The following SVEP1 variants were observed in gnomAD, a reference collection of about 807,000 sequenced individuals.
SVEP1 encodes sushi, von Willebrand factor type A, EGF and pentraxin domain-containing protein 1.
Under a neutral mutation model 367.3 loss-of-function variants are expected in SVEP1, and 164 were observed. That is an observed-to-expected ratio of 0.45 (90% CI 0.39 to 0.51). The LOEUF is 0.51. Among genes scored for constraint, SVEP1 ranks in the 20% least tolerant of loss-of-function variants. The pLI, the probability that SVEP1 is intolerant of heterozygous loss-of-function variation, is 0.00. For synonymous variants in SVEP1, 1,666 were observed against 1,611.6 expected, an observed-to-expected ratio of 1.03 and a Z score of -0.81; for missense variants, 4,117 against 4,425.3, an observed-to-expected ratio of 0.93 and a Z score of 1.98.
In SVEP1 at chr9:110,375,354, T is replaced by C. The variant is rs1409510418; in HGVS notation, c.10600+14A>G. ...CCTGAGCCACCAAGAAAACAAACCA[T>C]GAAAGAGGCCTACCTGTATGACAGC... On this transcript the variant is annotated intron_variant, in intron 46 of 47. Coordinates refer to ENST00000374469, the MANE Select transcript of SVEP1 (RefSeq NM_153366.4). 5 of 1,539,534 alleles carry C rather than the reference T, an allele frequency of 3.2e-6. No homozygotes were observed. Among genetic ancestry groups the C allele is most frequent in the Non-Finnish European group, 4.4e-6 (5 of 1,143,502 alleles).
chr9:110,385,688 G>A (rs1356477195), intron 43 of SVEP1, among the ~76,000 whole-genome samples: 1 of 141,894 alleles, frequency 7.0e-6, no homozygotes, highest in Non-Finnish European at 1.5e-5. Flanking sequence ...TGTTCAGGTG[G>A]GTTTTAGTTT....
At chr9:110,449,421 T>C (rs544513796) in intron 24 of SVEP1, among the ~76,000 whole-genome samples, 14 of 152,372 alleles carry the variant, frequency 9.2e-5, no homozygotes, top group African/African-American at 3.4e-4. Flanking sequence ...TCCATTTTGA[T>C]TTTATCTGGT....
intron 40 of SVEP1, among the ~76,000 whole-genome samples, chr9:110,393,799 G>C (rs538037717): frequency 2.0e-5 from 3 of 152,194 alleles, no homozygotes; most frequent in Non-Finnish European, 4.4e-5. Flanking sequence ...AGGCAGCAGC[G>C]AGGCTGGGGG....
intron 40 of SVEP1, among the ~76,000 whole-genome samples, chr9:110,395,065 T>C (rs1827734511): frequency 6.6e-6 from 1 of 152,016 alleles, no homozygotes; most frequent in Non-Finnish European, 1.5e-5. Context: ...TTCACCAAAG[T>C]TGAAATGAAG....
intron 9 of SVEP1, among the ~76,000 whole-genome samples, chr9:110,487,641 A>AT (rs1829300877): frequency 6.6e-6 from 1 of 152,216 alleles, no homozygotes; most frequent in Non-Finnish European, 1.5e-5. Context: ...AACATAGTGA[A>AT]TTTTAAAATA....
At chr9:110,388,151 A>AGACAATAG (rs1228428458) in intron 41 of SVEP1, among the ~76,000 whole-genome samples, 3 of 152,016 alleles carry the variant, frequency 2.0e-5, no homozygotes, top group Non-Finnish European at 2.9e-5. Context: ...AAAGACAATA[A>AGACAATAG]GAAAGTATAA....
intron 3 of SVEP1, among the ~76,000 whole-genome samples, chr9:110,542,226 G>A (rs2118836768): frequency 6.6e-6 from 1 of 152,176 alleles, no homozygotes; most frequent in Middle Eastern, 3.4e-3. Flanking sequence ...AAATAATATA[G>A]GACTTAGAGA....
Position 110,436,366 on chromosome 9 carries a change from A to C in SVEP1, c.4764+14T>G. On this transcript the variant is annotated intron_variant, in intron 28 of 47. Transcript: ENST00000374469. The stretch of plus-strand genomic sequence containing the variant: ...TGCATCTCATTACTGTCATACACTG[A>C]AAATGGAATTGACCTGCTGTGGAGA... 1 of 1,613,880 alleles carries C rather than the reference A, an allele frequency of 6.2e-7. No individual in the cohort carries two copies. Among genetic ancestry groups the C allele is most frequent in the Non-Finnish European group, 8.5e-7 (1 of 1,179,796 alleles).
chr9:110,447,361 A>T (rs545093405), intron 24 of SVEP1, among the ~76,000 whole-genome samples: 2 of 152,340 alleles, frequency 1.3e-5, no homozygotes, highest in Admixed American at 1.3e-4. Flanking sequence ...AAAAGTTCAA[A>T]TGCTGTTCTA....
Position 110,407,096 on chromosome 9 carries a change from G to A in SVEP1, c.8504C>T (p.Ser2835Leu), listed in dbSNP as rs267602084. 5.6e-6 allele frequency: 9 copies of A among 1,613,990 alleles called. No individual in the cohort carries two copies. Among genetic ancestry groups the A allele is most frequent in the Non-Finnish European group, 7.6e-6 (9 of 1,179,890 alleles). ...CTGGCCATTGGCTGAGACTGGGGGTGAACTGCAGTCCACAGGAATGCAAAT... is the reference window on the plus strand; with the variant it reads ...CTGGCCATTGGCTGAGACTGGGGGTAAACTGCAGTCCACAGGAATGCAAAT... ...EPICIPVDCS[S>L]PPVSANGQVR... The change falls in exon 38 of 48, where the codon TCA becomes TTA. Residue 2835 changes from serine (S) to leucine (L), a missense_variant. Ser to Leu is a moderately radical substitution (Grantham distance 145, BLOSUM62 -2). Transcript: ENST00000374469.
rs779804572 is a variant in SVEP1, at chr9:110,483,709, TCAGA to T, written c.1931-20_1931-17del. ...GGTTCTGCATCTGAAGAACATGAAA[TCAGA>T]CAAAGAAGTCACAGCTGATATTCAC... On this transcript the variant is annotated splice_polypyrimidine_tract_variant and intron_variant, in intron 9 of 47. Transcript: ENST00000374469. The T allele has an allele frequency of 1.7e-5, 26 of 1,559,438 alleles. No homozygotes were observed. Among genetic ancestry groups the T allele is most frequent in the Non-Finnish European group, 2.3e-5 (26 of 1,152,444 alleles).
At chr9:110,400,300 T>G (rs1191793747) in intron 40 of SVEP1, among the ~76,000 whole-genome samples, 1 of 152,170 alleles carries the variant, frequency 6.6e-6, no homozygotes, top group Non-Finnish European at 1.5e-5. Context: ...GCATCTGTCT[T>G]GTGGTTTGCG....
chr9:110,369,926 G>A lies in SVEP1; in HGVS notation c.10691C>T (p.Ser3564Phe), dbSNP rs1437631670. Residue 3564 changes from serine (S) to phenylalanine (F), a missense_variant, in exon 47 of 48, where the codon TCC becomes TTC. By Grantham distance (155) the Ser-to-Phe change is radical. Around this residue, in one of 4 missense-constraint regions of SVEP1, gnomAD observed 1,765 missense variants for 1,781.1 expected, o/e 0.99. Transcript: ENST00000374469. ...CLSSWTGHNC[S>F]RKRRTGF ...CATTAGTTTTTGGTTATCTTACCTGGAACAGTTATGTCCCGTCCAAGAAGA... is the reference window on the plus strand; with the variant it reads ...CATTAGTTTTTGGTTATCTTACCTGAAACAGTTATGTCCCGTCCAAGAAGA... 1 of 1,611,784 alleles carries A rather than the reference G, an allele frequency of 6.2e-7. No individual in the cohort carries two copies. The highest frequency in any genetic ancestry group is 8.5e-7 in the Non-Finnish European group (1 of 1,178,868).
Position 110,408,777 on chromosome 9 carries a change from T to C in SVEP1, c.6823A>G (p.Met2275Val). The C allele has an allele frequency of 6.2e-7, 1 of 1,613,530 alleles. No individual in the cohort carries two copies. Among genetic ancestry groups the C allele is most frequent in the Non-Finnish European group, 8.5e-7 (1 of 1,179,888 alleles). Residue 2275 changes from methionine (M) to valine (V), a missense_variant, in exon 38 of 48, where the codon ATG becomes GTG. Physicochemically the swap from Met to Val is conservative, Grantham distance 21. Coordinates refer to ENST00000374469, the MANE Select transcript of SVEP1 (RefSeq NM_153366.4). ...CCTACTTCAAAGTTTTCTCCTTTCA[T>C]GAAGCCATTCTGGATCGGGGGAGGT... is the stretch of plus-strand genomic sequence containing the variant. ...GKPPPIQNGF[M>V]KGENFEVGSK...
At chr9:110,529,400 TG>T (rs1263487188) in intron 3 of SVEP1, among the ~76,000 whole-genome samples, 1 of 152,142 alleles carries the variant, frequency 6.6e-6, no homozygotes, top group Non-Finnish European at 1.5e-5. Context: ...CTGTGAAAAA[TG>T]ACATTGTTAT....
Position 110,550,029 on chromosome 9 carries a change from C to T in SVEP1, c.607G>A (p.Asp203Asn). The T allele has an allele frequency of 8.1e-6, 13 of 1,614,022 alleles. No homozygotes were observed. Among genetic ancestry groups the T allele is most frequent in the Non-Finnish European group, 1.1e-5 (13 of 1,179,890 alleles). ...LITDGYSNGG[D>N]PRPIAASLRD... Reference sequence around the variant, plus strand: ...AGTGACGCTGCAATTGGTCTAGGGTCTCCCCCATTGGAATATCCATCAGTG... The same window carrying T: ...AGTGACGCTGCAATTGGTCTAGGGTTTCCCCCATTGGAATATCCATCAGTG... Residue 203 changes from aspartate to asparagine, a missense_variant, in exon 2 of 48, where the codon GAC becomes AAC. This residue lies in a region of SVEP1 where 2,174 missense variants were observed against 2,494.3 expected (regional missense o/e 0.87). Coordinates refer to ENST00000374469, the MANE Select transcript of SVEP1 (RefSeq NM_153366.4).
At chr9:110,463,512 A>T (rs1163541649) in intron 18 of SVEP1, among the ~76,000 whole-genome samples, 1 of 152,018 alleles carries the variant, frequency 6.6e-6, no homozygotes, top group Non-Finnish European at 1.5e-5. Context: ...TATAAAAATA[A>T]ATCAATACTG....
chr9:110,417,106 G>A (rs1448378774), intron 36 of SVEP1, among the ~76,000 whole-genome samples: 3 of 152,022 alleles, frequency 2.0e-5, no homozygotes, highest in East Asian at 3.8e-4. Context: ...AATTGGAGGA[G>A]GAGGAGCCAA....
Position 110,406,520 on chromosome 9 carries a change from G to T in SVEP1, c.9080C>A (p.Ala3027Glu). 6.2e-7 allele frequency: 1 copy of T among 1,613,632 alleles called. No individual in the cohort carries two copies. Among genetic ancestry groups the T allele is most frequent in the Non-Finnish European group, 8.5e-7 (1 of 1,179,810 alleles). ...GCCTTTGAAGCACTGAATCCGGGCT[G>T]CCTTTCCACAGTCAAAATCTGTCCC... ...VNGTDFDCGK[A>E]ARIQCFKGFK... The change falls in exon 38 of 48, where the codon GCA becomes GAA. Residue 3027 changes from alanine to glutamate, a missense_variant. Ala to Glu is a moderately radical substitution (Grantham distance 107). This residue lies in a region of SVEP1 where 1,765 missense variants were observed against 1,781.1 expected (regional missense o/e 0.99). Coordinates refer to ENST00000374469, the MANE Select transcript of SVEP1 (RefSeq NM_153366.4).
Sources: gnomAD v4.1 joint callset for allele counts (sites outside exome capture counted in the v4.1 genomes callset) on GRCh38, gnomAD v4.1.1 for gene constraint, gnomAD v4.1.1 regional missense constraint, MANE v1.5 for transcripts, NCBI Gene and HGNC (gene_info 2026-07-23, HGNC 2026-07-21) for gene names.